The following SETD2 variants were observed in gnomAD, a reference collection of about 807,000 sequenced individuals.
The protein encoded by SETD2 is SET domain containing 2, histone lysine methyltransferase.
SETD2 carries 31 observed loss-of-function variants against 242.1 expected under a neutral mutation model. The observed-to-expected ratio is 0.13, with a 90% CI of 0.10 to 0.17. The LOEUF (loss-of-function observed/expected upper bound fraction) is 0.17. Ranked by LOEUF, SETD2 falls within the 10% of genes least tolerant of loss-of-function variation. SETD2 has a pLI of 1.00. For synonymous variants in SETD2, 1,006 were observed against 1,066.5 expected (o/e 0.94, Z 1.11); for missense variants, 2,481 against 3,046.3 (o/e 0.81, Z 4.37).
At chr3:47,052,320 T>C (rs1161405885) in intron 15 of SETD2, among the ~76,000 whole-genome samples, 1 of 152,142 alleles carries the variant, frequency 6.6e-6, no homozygotes, top group Non-Finnish European at 1.5e-5. Flanking sequence ...CACAGGCATG[T>C]GCCACCACAC....
At chr3:47,018,718 C>T (rs1251989606) in intron 19 of SETD2, among the ~76,000 whole-genome samples, 3 of 152,236 alleles carry the variant, frequency 2.0e-5, no homozygotes, top group Non-Finnish European at 2.9e-5. Flanking sequence ...GCTTAAAATT[C>T]TGCAATGGTT....
intron 8 of SETD2, among the ~76,000 whole-genome samples, chr3:47,100,842 C>A: frequency 6.6e-6 from 1 of 151,204 alleles, no homozygotes; most frequent in East Asian, 2.0e-4. Context: ...AACCCTGTCT[C>A]TACTAAAAAT....
intron 18 of SETD2, among the ~76,000 whole-genome samples, chr3:47,036,677 C>CCTTGGTCA (rs2039010221): frequency 6.6e-6 from 1 of 151,772 alleles, no homozygotes; most frequent in Non-Finnish European, 1.5e-5. Context: ...CCAAGGCAGG[C>CCTTGGTCA]AGATCACCTG....
At chr3:47,144,235 T>C (rs758575351) in intron 1 of SETD2, among the ~76,000 whole-genome samples, 23 of 152,254 alleles carry the variant, frequency 1.5e-4, no homozygotes, top group Non-Finnish European at 2.9e-4. Flanking sequence ...GACTCACACC[T>C]GTAATCCCAA....
intron 15 of SETD2, among the ~76,000 whole-genome samples, chr3:47,052,669 T>C (rs1187608432): frequency 6.6e-6 from 1 of 151,620 alleles, no homozygotes; most frequent in Non-Finnish European, 1.5e-5. Context: ...ATACAAAAAA[T>C]TAGCTAGGAA....
chr3:47,044,804 T>C (rs2039449281), intron 16 of SETD2, among the ~76,000 whole-genome samples: 1 of 152,196 alleles, frequency 6.6e-6, no homozygotes, highest in Non-Finnish European at 1.5e-5. Context: ...GCCTAGTCCA[T>C]GGTGACTAGT....
intron 15 of SETD2, among the ~76,000 whole-genome samples, chr3:47,052,528 C>T (rs1285125718): frequency 6.6e-6 from 1 of 152,090 alleles, no homozygotes; most frequent in Non-Finnish European, 1.5e-5. Flanking sequence ...TAAAATTACA[C>T]AAATGTGGCC....
At chr3:47,020,888 A>G (rs891478847) in intron 18 of SETD2, among the ~76,000 whole-genome samples, 4 of 152,174 alleles carry the variant, frequency 2.6e-5, no homozygotes, top group Non-Finnish European at 5.9e-5. Flanking sequence ...AGCTCCAGAG[A>G]AAGGTGGCAC....
At chr3:47,037,558 T>C (rs2039069322) in intron 18 of SETD2, 108 bp downstream of exon 18, 3 of 763,736 alleles carry the variant, frequency 3.9e-6, no homozygotes, top group Admixed American at 4.1e-5. Context: ...ACATGCATAG[T>C]CACTCACTTA....
At position 47,122,817 on chromosome 3, in the gene SETD2, G is replaced by C. The variant is rs1345996475; in HGVS notation, c.1819C>G (p.Pro607Ala). ...GGAGACCCAGCCTTTTCTCTTTCAG[G>C]ATTTTTATTAATCATTCTTAATTCA... is the stretch of plus-strand genomic sequence containing the variant. ...GSELRMINKN[P>A]EREKAGSPAP... Residue 607 changes from proline to alanine, a missense_variant, in exon 3 of 21, where the codon CCT (proline) becomes GCT (alanine). Coordinates refer to ENST00000409792, the MANE Select transcript of SETD2 (RefSeq NM_014159.7). 6.2e-7 allele frequency: 1 copy of C among 1,613,302 alleles called. No individual in the cohort carries two copies. The highest frequency in any genetic ancestry group is 8.5e-7 in the Non-Finnish European group (1 of 1,179,814).
chr3:47,063,001 G>C (rs755980196), intron 13 of SETD2, among the ~76,000 whole-genome samples: 3 of 151,998 alleles, frequency 2.0e-5, no homozygotes, highest in Non-Finnish European at 4.4e-5. Context: ...GTTATCTCTT[G>C]GTATAAATGG....
intron 5 of SETD2, among the ~76,000 whole-genome samples, chr3:47,107,720 CGGGGG>C (rs1184327932): frequency 1.5e-5 from 2 of 129,770 alleles, no homozygotes; most frequent in Non-Finnish European, 3.3e-5. Context: ...CTTTGGGTGG[CGGGGG>C]GGGGTGGGGG....
chr3:47,102,001 A>C (rs533739869), intron 7 of SETD2, among the ~76,000 whole-genome samples: 15 of 152,322 alleles, frequency 9.8e-5, no homozygotes, highest in African/African-American at 3.6e-4. Flanking sequence ...AGATATAGAA[A>C]CTAGGAAACA....
At chr3:47,119,787 AT>A in intron 3 of SETD2, 1 of 472,022 alleles carries the variant, frequency 2.1e-6, no homozygotes, top group Non-Finnish European at 4.4e-6. Flanking sequence ...CATTCTGCAC[AT>A]TTTTGAAAAT....
At chr3:47,086,376 A>G (rs1328814282) in intron 10 of SETD2, 62 bp from the exon 11 acceptor site, 3 of 1,562,924 alleles carry the variant, frequency 1.9e-6, no homozygotes, top group East Asian at 2.3e-5. Context: ...AATATTACAA[A>G]GAGCCCGAGG....
intron 1 of SETD2, among the ~76,000 whole-genome samples, chr3:47,143,671 C>T (rs1326621288): frequency 6.6e-6 from 1 of 152,090 alleles, no homozygotes; most frequent in African/African-American, 2.4e-5. Context: ...AACTTTATCC[C>T]ATTGGTTTTA....
At chr3:47,092,167 A>G (rs1239189294) in intron 9 of SETD2, among the ~76,000 whole-genome samples, 1 of 152,214 alleles carries the variant, frequency 6.6e-6, no homozygotes, top group African/African-American at 2.4e-5. Flanking sequence ...CAAACAAAAT[A>G]AAGATGAATA....
At chr3:47,159,660 A>C (rs1253090619) in intron 1 of SETD2, among the ~76,000 whole-genome samples, 7 of 152,184 alleles carry the variant, frequency 4.6e-5, no homozygotes, top group African/African-American at 9.7e-5. Context: ...AAGTTCTTAG[A>C]ATGGCTTTAC....
Position 47,062,362 on chromosome 3 carries a change from G to T in SETD2, c.6110-16C>A. On this transcript the variant is annotated splice_polypyrimidine_tract_variant and intron_variant, in intron 13 of 20. Coordinates refer to ENST00000409792, the MANE Select transcript of SETD2 (RefSeq NM_014159.7). ...CGTTCAGTTGCTAAGGGAAAAGGGT[G>T]GTTTGTTTGTTTTTTTTTTTTTTAA... 1.3e-6 allele frequency: 2 copies of T among 1,499,268 alleles called. No individual in the cohort carries two copies. The highest frequency in any genetic ancestry group is 1.9e-5 in the African/African-American group (1 of 52,322). 92.9% of individuals were successfully genotyped at this position (1,499,268 alleles called of 1,614,324 possible).
Sources: gnomAD v4.1 joint callset for allele counts (sites outside exome capture counted in the v4.1 genomes callset) on GRCh38, gnomAD v4.1.1 for gene constraint, MANE v1.5 for transcripts, NCBI Gene and HGNC (gene_info 2026-07-23, HGNC 2026-07-21) for gene names.